Variants in B3GAT2 observed in about 807,000 individuals in gnomAD.
The protein encoded by B3GAT2 is beta-1,3-glucuronyltransferase 2.
B3GAT2 carries 26 observed loss-of-function variants against 27.8 expected under a neutral mutation model. That is an observed-to-expected ratio of 0.93 (90% CI 0.68 to 1.30). The LOEUF (loss-of-function observed/expected upper bound fraction) is 1.30, where lower values mean the gene tolerates loss of function less well. Among genes scored for constraint, B3GAT2 ranks in the 50% most tolerant of loss-of-function variants. The probability of loss-of-function intolerance (pLI) is 0.00; values close to 1 mark genes in which losing one functional copy is unlikely to be tolerated. For missense variants in B3GAT2, 458 were observed against 459.0 expected (o/e 1.00, Z 0.02); for synonymous variants, 218 against 195.1 (o/e 1.12, Z -0.98).
intron 1 of B3GAT2, among the ~76,000 whole-genome samples, chr6:70,941,053 A>T (rs1765384212): frequency 6.6e-6 from 1 of 152,110 alleles, no homozygotes; most frequent in African/African-American, 2.4e-5. Context: ...CTCTTTGTAG[A>T]CAAGCCCTAT....
At chr6:70,869,334 T>C (rs1449717202) in intron 2 of B3GAT2, among the ~76,000 whole-genome samples, 3 of 152,212 alleles carry the variant, frequency 2.0e-5, no homozygotes, top group African/African-American at 7.2e-5. Context: ...ATTGTAGTTT[T>C]ATAAGTTTTC....
At chr6:70,873,884 T>A (rs1771975003) in intron 2 of B3GAT2, among the ~76,000 whole-genome samples, 2 of 152,134 alleles carry the variant, frequency 1.3e-5, no homozygotes, top group Admixed American at 1.3e-4. Context: ...GCATTTCTAT[T>A]TGGTTCTTTT....
chr6:70,891,653 C>T (rs111810745), intron 2 of B3GAT2, among the ~76,000 whole-genome samples: 17 of 152,084 alleles, frequency 1.1e-4, no homozygotes, highest in African/African-American at 1.9e-4. Flanking sequence ...GCTCTTAATC[C>T]GCTTTGCAAA....
chr6:70,939,620 C>T (rs1212128459), intron 1 of B3GAT2, among the ~76,000 whole-genome samples: 1 of 151,640 alleles, frequency 6.6e-6, no homozygotes, highest in East Asian at 1.9e-4. Flanking sequence ...AATTGGAAAT[C>T]ATCATTCTCA....
At chr6:70,939,025 T>A (rs1429858472) in intron 1 of B3GAT2, among the ~76,000 whole-genome samples, 1 of 151,850 alleles carries the variant, frequency 6.6e-6, no homozygotes, top group African/African-American at 2.4e-5. Context: ...ATATCCAGAA[T>A]CTACAATGAA....
At chr6:70,890,132 T>C (rs1295220431) in intron 2 of B3GAT2, among the ~76,000 whole-genome samples, 2 of 152,108 alleles carry the variant, frequency 1.3e-5, no homozygotes. Context: ...CTTTCTCCCA[T>C]ACTCACCAAG....
chr6:70,876,025 T>C (rs911831213), intron 2 of B3GAT2, among the ~76,000 whole-genome samples: 1 of 152,304 alleles, frequency 6.6e-6, no homozygotes, highest in East Asian at 1.9e-4. Flanking sequence ...TATTTTTTAG[T>C]GGGCACAACT....
chr6:70,911,184 G>A (rs1017982507), intron 1 of B3GAT2, among the ~76,000 whole-genome samples: 7 of 151,774 alleles, frequency 4.6e-5, no homozygotes, highest in African/African-American at 9.7e-5. Flanking sequence ...CCCACTTGCC[G>A]TTTTTTTGTT....
chr6:70,917,476 TA>T (rs1186239183), intron 1 of B3GAT2, among the ~76,000 whole-genome samples: 1 of 152,156 alleles, frequency 6.6e-6, no homozygotes, highest in Non-Finnish European at 1.5e-5. Flanking sequence ...AGTTCTTTTA[TA>T]ATTGCAATGT....
rs1771501213 is a variant in B3GAT2 at position 70,857,901 on chromosome 6, C to T, written c.*3762G>A. 5 of 1,609,848 alleles carry T rather than the reference C, an allele frequency of 3.1e-6. No homozygotes were observed. Among genetic ancestry groups the T allele is most frequent in the Non-Finnish European group, 4.2e-6 (5 of 1,177,648 alleles). On this transcript the variant is annotated 3_prime_UTR_variant, in exon 4 of 4. Coordinates refer to ENST00000230053, the MANE Select transcript of B3GAT2 (RefSeq NM_080742.3). ...TACACGTGATAGCTCTGTCTTCATT[C>T]ATTTTCTTTTTGTGGTGCAGGTGTA...
At position 70,860,837 on chromosome 6, in the gene B3GAT2, G is replaced by T. The variant is rs533724392; in HGVS notation, c.*826C>A. The T allele has an allele frequency of 2.8e-5, 11 of 395,862 alleles. No individual in the cohort carries two copies. The South Asian group carries it at 1.3e-3, about 48-fold the overall frequency. 24.5% of individuals were successfully genotyped at this position (395,862 alleles called of 1,614,324 possible). On this transcript the variant is annotated 3_prime_UTR_variant, in exon 4 of 4. Transcript: ENST00000230053. Reference sequence around the variant, plus strand: ...CTTATTTCATCATTCACTTCACTGTGCTGTTGTTATGATGTGCTTAACAGG... The same window carrying T: ...CTTATTTCATCATTCACTTCACTGTTCTGTTGTTATGATGTGCTTAACAGG...
At chr6:70,925,484 CACCA>C (rs1240888492) in intron 1 of B3GAT2, among the ~76,000 whole-genome samples, 1 of 152,244 alleles carries the variant, frequency 6.6e-6, no homozygotes, top group East Asian at 1.9e-4. Flanking sequence ...GCAAACGGCA[CACCA>C]GGAGATTATA....
Position 70,860,461 on chromosome 6 carries a change from C to T in B3GAT2, c.*1202G>A. On this transcript the variant is annotated 3_prime_UTR_variant, in exon 4 of 4. Coordinates refer to ENST00000230053, the MANE Select transcript of B3GAT2 (RefSeq NM_080742.3). ...CCCATTTGTTCATATTAAGAATGAT[C>T]TGATTGACCGTGTTGGTCTGTACTG... The T allele has an allele frequency of 8.7e-7, 1 of 1,146,834 alleles. No homozygotes were observed. The highest frequency in any genetic ancestry group is 1.2e-6 in the Non-Finnish European group (1 of 829,406). 71.0% of individuals were successfully genotyped at this position (1,146,834 alleles called of 1,614,324 possible). A position where few individuals can be genotyped will look rare whatever the true frequency, so the allele number is the denominator to read the frequency against.
rs1368539793 is a variant in B3GAT2 at position 70,897,668 on chromosome 6, A to AT, written c.592-3397_592-3396insA. On this transcript the variant is annotated intron_variant, in intron 1 of 3. Transcript: ENST00000230053. ...GCATGAGAACTGCTTGAAAAAAAAA[A>AT]AAATATATATATATATATATATTTG... is the stretch of plus-strand genomic sequence containing the variant. Among the ~76,000 whole-genome samples, 25 of 96,254 alleles carry AT rather than the reference A, an allele frequency of 2.6e-4. No homozygotes were observed. In the South Asian group the frequency reaches 5.0e-3, roughly 19 times the overall value. 63.1% of individuals were successfully genotyped at this position (96,254 alleles called of 152,430 possible). A position where few individuals can be genotyped will look rare whatever the true frequency, so the allele number is the denominator to read the frequency against.
intron 2 of B3GAT2, among the ~76,000 whole-genome samples, chr6:70,882,071 T>C (rs1035088845): frequency 6.6e-6 from 1 of 152,208 alleles, no homozygotes; most frequent in Non-Finnish European, 1.5e-5. Flanking sequence ...TGAAGGTTTG[T>C]TATTCTTTCT....
chr6:70,948,697 C>T (rs1765531249), intron 1 of B3GAT2, among the ~76,000 whole-genome samples: 1 of 151,982 alleles, frequency 6.6e-6, no homozygotes, highest in South Asian at 2.1e-4. Flanking sequence ...CATCAAGCTA[C>T]CAATGACTTT....
At chr6:70,952,991 G>A (rs911073629) in intron 1 of B3GAT2, among the ~76,000 whole-genome samples, 2 of 152,080 alleles carry the variant, frequency 1.3e-5, no homozygotes, top group African/African-American at 2.4e-5. Flanking sequence ...CAATACTTAC[G>A]GAGCTAATTT....
chr6:70,945,075 A>G (rs1054449057), intron 1 of B3GAT2, among the ~76,000 whole-genome samples: 3 of 152,270 alleles, frequency 2.0e-5, no homozygotes, highest in East Asian at 1.9e-4. Context: ...CCATCTGTAC[A>G]TCACCATCAT....
At position 70,878,109 on chromosome 6, in the gene B3GAT2, ATGTT is replaced by A. The variant is rs1772043032; in HGVS notation, c.736+16015_736+16018del. On this transcript the variant is annotated intron_variant, in intron 2 of 3. Transcript: ENST00000230053. The stretch of plus-strand genomic sequence containing the variant: ...CCTGATACAGTTTCAATTTTTATAA[ATGTT>A]TCATGAACACTTGAAATAAAGGTAT... 3.3e-5 allele frequency among the ~76,000 whole-genome samples: 5 copies of A among 152,158 alleles called. No homozygotes were observed. In the South Asian group the frequency reaches 1.0e-3, roughly 32 times the overall value.
Sources: allele counts gnomAD v4.1 joint callset (sites outside exome capture counted in the v4.1 genomes callset), GRCh38; gene constraint gnomAD v4.1.1; transcripts MANE v1.5; gene names NCBI Gene and HGNC (gene_info 2026-07-23, HGNC 2026-07-21).